The following SLC39A9 variants were observed in gnomAD, a reference collection of about 807,000 sequenced individuals.
SLC39A9 encodes the protein solute carrier family 39 member 9, also known as zinc transporter ZIP9.
Under a neutral mutation model 28.4 loss-of-function variants are expected in SLC39A9, and 14 were observed. The observed-to-expected ratio is 0.49, with a 90% CI of 0.33 to 0.77. The LOEUF is 0.77. Ranked by LOEUF, SLC39A9 falls within the 30% of genes least tolerant of loss-of-function variation. The probability of loss-of-function intolerance (pLI) is 0.02; values close to 1 mark genes in which losing one functional copy is unlikely to be tolerated. For missense variants in SLC39A9, 283 were observed against 381.1 expected, an observed-to-expected ratio of 0.74 and a Z score of 2.14; for synonymous variants, 119 against 149.6, an observed-to-expected ratio of 0.80 and a Z score of 1.49.
intron 2 of SLC39A9, among the ~76,000 whole-genome samples, chr14:69,424,844 C>T (rs1884102703): frequency 6.6e-6 from 1 of 152,118 alleles, no homozygotes; most frequent in Non-Finnish European, 1.5e-5. Context: ...GGATTGACAC[C>T]ACAGCTGTTA....
intron 2 of SLC39A9, 92 bp downstream of exon 2, chr14:69,424,294 A>G (rs1040735249): frequency 1.1e-5 from 10 of 906,464 alleles, no homozygotes; most frequent in African/African-American, 9.8e-5. Context: ...AGCACAGTTC[A>G]TGTTTACCAT....
intron 2 of SLC39A9, among the ~76,000 whole-genome samples, chr14:69,438,900 C>T (rs904280950): frequency 6.6e-6 from 1 of 152,034 alleles, no homozygotes; most frequent in Non-Finnish European, 1.5e-5. Flanking sequence ...TCACTTTACT[C>T]TACATTAAAT....
At chr14:69,401,866 A>G (rs187937046) in intron 1 of SLC39A9, among the ~76,000 whole-genome samples, 1 of 152,350 alleles carries the variant, frequency 6.6e-6, no homozygotes, top group African/African-American at 2.4e-5. Context: ...CTAGAATTCA[A>G]CTAGGATTTC....
intron 2 of SLC39A9, among the ~76,000 whole-genome samples, chr14:69,435,621 T>C (rs537292671): frequency 9.2e-5 from 14 of 152,348 alleles, no homozygotes; most frequent in African/African-American, 3.4e-4. Context: ...ACTTCTTACC[T>C]CGGCCATTGT....
chr14:69,424,582 T>C lies in SLC39A9; in HGVS notation c.205+380T>C, dbSNP rs144604512. Among the ~76,000 whole-genome samples the C allele has an allele frequency of 6.6e-5, 10 of 152,188 alleles. No homozygotes were observed. The East Asian group carries it at 1.9e-3, about 29-fold the overall frequency. ...TTTAAGGACCCTTTACAGTAAACTT[T>C]ATAGATAATTGATGAGGACCCATGC... On this transcript the variant is annotated intron_variant, in intron 2 of 6. Coordinates refer to ENST00000336643, the MANE Select transcript of SLC39A9 (RefSeq NM_018375.5).
chr14:69,403,014 G>A (rs560190699), intron 1 of SLC39A9, among the ~76,000 whole-genome samples: 24 of 152,098 alleles, frequency 1.6e-4, no homozygotes, highest in Non-Finnish European at 3.2e-4. Flanking sequence ...CCCAGGAGGC[G>A]GAGGTTGCAG....
intron 3 of SLC39A9, among the ~76,000 whole-genome samples, chr14:69,451,604 T>C (rs141962720): frequency 3.0e-3 from 458 of 152,280 alleles, no homozygotes; most frequent in African/African-American, 0.01. Flanking sequence ...CAAGTGAAAA[T>C]GGCTTTGTAT....
Position 69,402,913 on chromosome 14 carries a change from C to T in SLC39A9, c.96+3448C>T, listed in dbSNP as rs192851851. On this transcript the variant is annotated intron_variant, in intron 1 of 6. Coordinates refer to ENST00000336643, the MANE Select transcript of SLC39A9 (RefSeq NM_018375.5). Reference sequence around the variant, plus strand: ...CCTGGCCAACATGGCGAAACCCCATCTCTACTAAAAATACAAAAATTAGCT... The same window carrying T: ...CCTGGCCAACATGGCGAAACCCCATTTCTACTAAAAATACAAAAATTAGCT... Among the ~76,000 whole-genome samples the T allele has an allele frequency of 1.2e-3, 176 of 152,124 alleles. 2 individuals carry two copies. The highest frequency in any genetic ancestry group is 3.8e-3 in the African/African-American group (159 of 41,510).
chr14:69,458,321 T>C lies in SLC39A9; in HGVS notation c.694-42T>C, dbSNP rs148326566. On this transcript the variant is annotated intron_variant, in intron 6 of 6. Transcript: ENST00000336643. Reference sequence around the variant, plus strand: ...GGGACTTCTTCCTGACCCTGAATTTTACTTGACTTAGTTTTTCCTCTTTCT... The same window carrying C: ...GGGACTTCTTCCTGACCCTGAATTTCACTTGACTTAGTTTTTCCTCTTTCT... 86 of 1,604,882 alleles carry C rather than the reference T, an allele frequency of 5.4e-5. No homozygotes were observed. The East Asian group carries it at 1.9e-3, about 35-fold the overall frequency.
intron 3 of SLC39A9, among the ~76,000 whole-genome samples, chr14:69,452,389 G>A (rs1229670414): frequency 6.6e-6 from 1 of 152,162 alleles, no homozygotes; most frequent in African/African-American, 2.4e-5. Flanking sequence ...GAGGGCAATG[G>A]CACAATCTCG....
At chr14:69,438,998 CTG>C (rs1743369899) in intron 2 of SLC39A9, among the ~76,000 whole-genome samples, 1 of 152,270 alleles carries the variant, frequency 6.6e-6, no homozygotes, top group African/African-American at 2.4e-5. Flanking sequence ...AAAGTTGTCT[CTG>C]TTTTCAGGTG....
chr14:69,433,756 T>A (rs1434124530), intron 2 of SLC39A9, among the ~76,000 whole-genome samples: 1 of 152,114 alleles, frequency 6.6e-6, no homozygotes, highest in South Asian at 2.1e-4. Context: ...TCTCTTCTCT[T>A]CTCTTGTCTT....
At chr14:69,441,141 T>C (rs1363415398) in intron 2 of SLC39A9, among the ~76,000 whole-genome samples, 1 of 152,044 alleles carries the variant, frequency 6.6e-6, no homozygotes, top group African/African-American at 2.4e-5. Context: ...TAGCTGGTTA[T>C]GGTGGTACTT....
At chr14:69,425,746 C>T (rs1183035770) in intron 2 of SLC39A9, among the ~76,000 whole-genome samples, 3 of 151,894 alleles carry the variant, frequency 2.0e-5, no homozygotes, top group Non-Finnish European at 2.9e-5. Flanking sequence ...CAGCTGAAAT[C>T]TCTTGGGTTT....
At chr14:69,428,146 C>G (rs923036087) in intron 2 of SLC39A9, among the ~76,000 whole-genome samples, 2 of 151,978 alleles carry the variant, frequency 1.3e-5, no homozygotes. Context: ...GGCGTGCTGG[C>G]GCATGTCTGT....
At position 69,436,370 on chromosome 14, in the gene SLC39A9, C is replaced by G. The variant is rs186528241; in HGVS notation, c.206-5699C>G. 2.0e-3 allele frequency among the ~76,000 whole-genome samples: 308 copies of G among 152,228 alleles called. 1 individual carries two copies. Among genetic ancestry groups the G allele is most frequent in the African/African-American group, 7.1e-3 (297 of 41,542 alleles). ...CTGTGGGTTGGGTTGATTGTCTTTT[C>G]CCTCGGTAATTGGTCAAAATTTCCT... On this transcript the variant is annotated intron_variant, in intron 2 of 6. Transcript: ENST00000336643.
chr14:69,436,796 T>C (rs1046752892), intron 2 of SLC39A9, among the ~76,000 whole-genome samples: 3 of 152,236 alleles, frequency 2.0e-5, no homozygotes. Flanking sequence ...AAGGTTTCTC[T>C]ATAGAGCTGT....
intron 1 of SLC39A9, among the ~76,000 whole-genome samples, chr14:69,414,683 T>G (rs901781045): frequency 1.3e-5 from 2 of 152,224 alleles, no homozygotes; most frequent in African/African-American, 2.4e-5. Flanking sequence ...TAATATAGGT[T>G]GATGAATTTT....
At chr14:69,431,210 A>G (rs1472793032) in intron 2 of SLC39A9, among the ~76,000 whole-genome samples, 1 of 152,176 alleles carries the variant, frequency 6.6e-6, no homozygotes, top group Non-Finnish European at 1.5e-5. Context: ...ATGCCTAAAT[A>G]TTTCATGTTT....
Sources: gnomAD v4.1 joint callset for allele counts (sites outside exome capture counted in the v4.1 genomes callset) on GRCh38, gnomAD v4.1.1 for gene constraint, MANE v1.5 for transcripts, NCBI Gene and HGNC (gene_info 2026-07-23, HGNC 2026-07-21) for gene names.